Variants in CNOT1 observed in about 807,000 individuals in gnomAD.
CNOT1 encodes CCR4-NOT transcription complex subunit 1.
A neutral mutation model predicts 273.8 loss-of-function variants in CNOT1; 15 were observed. The observed-to-expected ratio is 0.05, with a 90% CI of 0.04 to 0.08. The LOEUF (loss-of-function observed/expected upper bound fraction) is 0.08. Among genes scored for constraint, CNOT1 ranks in the 10% least tolerant of loss-of-function variants. CNOT1 has a pLI of 1.00. For synonymous variants in CNOT1, 1,022 were observed against 1,005.5 expected (o/e 1.02, Z -0.31); for missense variants, 1,644 against 2,912.2 (o/e 0.56, Z 10.02).
chr16:58,532,327 A>G lies in CNOT1; in HGVS notation c.5964T>C (p.Leu1988=). 2.5e-6 allele frequency: 4 copies of G among 1,614,204 alleles called. No individual in the cohort carries two copies. The highest frequency in any genetic ancestry group is 3.4e-6 in the Non-Finnish European group (4 of 1,180,016). ...GCATGATAAAAATTCGATGGTAGGG[A>G]AGTTGCTGAAATTCACTCTGACGAA... The part of the protein sequence containing the change: ...HDVRQSEFQQ[L]PYHRIFIMLL... Residue 1988 remains leucine (L), a synonymous_variant, in exon 41 of 49, where the codon CTT becomes CTC. Coordinates refer to ENST00000317147, the MANE Select transcript of CNOT1 (RefSeq NM_016284.5).
rs1365069174 is a variant in CNOT1 at position 58,534,071 on chromosome 16, AAAT to A, written c.5895+73_5895+75del. The A allele has an allele frequency of 5.6e-6, 7 of 1,255,048 alleles. No individual in the cohort carries two copies. In the South Asian group the frequency reaches 1.0e-4, roughly 19 times the overall value. The allele number at this position is 1,255,048 out of a possible 1,614,324, so 77.7% of individuals were successfully genotyped here. A position where few individuals can be genotyped will look rare whatever the true frequency, so the allele number is the denominator to read the frequency against. On this transcript the variant is annotated intron_variant, in intron 40 of 48. Transcript: ENST00000317147. ...GACTCTCTCAAAGAAACAATATAAA[AAAT>A]AATAATAATAAATAAATAAATAAAA... is the stretch of plus-strand genomic sequence containing the variant.
At chr16:58,521,519 A>AGAC (rs2039370008) in intron 47 of CNOT1, among the ~76,000 whole-genome samples, 1 of 152,230 alleles carries the variant, frequency 6.6e-6, no homozygotes, top group Admixed American at 6.5e-5. Flanking sequence ...TAGCCGTAGA[A>AGAC]GACTAAGTAT....
chr16:58,596,692 C>T lies in CNOT1; in HGVS notation c.102+2544G>A, dbSNP rs531016994. Among the ~76,000 whole-genome samples, 6 of 151,852 alleles carry T rather than the reference C, an allele frequency of 4.0e-5. No individual in the cohort carries two copies. The East Asian group carries it at 9.8e-4, about 25-fold the overall frequency. ...CACAAGGTCAGGAGATTGAGACCAT[C>T]CTGGCTAACACGATGAAACCCCGTC... is the stretch of plus-strand genomic sequence containing the variant. On this transcript the variant is annotated intron_variant, in intron 2 of 48. Transcript: ENST00000317147.
At chr16:58,605,885 G>A (rs56019955) in intron 1 of CNOT1, among the ~76,000 whole-genome samples, 1,957 of 152,160 alleles carry the variant, frequency 0.013, 45 homozygotes, top group African/African-American at 0.045. Context: ...TCAAACTCTG[G>A]GGCTCAGCGA....
chr16:58,591,597 T>C (rs752684536), intron 2 of CNOT1, among the ~76,000 whole-genome samples: 11 of 151,960 alleles, frequency 7.2e-5, no homozygotes, highest in Non-Finnish European at 1.3e-4. Context: ...CTACTAAAAA[T>C]ACAAAAATTA....
chr16:58,609,856 T>C (rs2042829253), intron 1 of CNOT1, among the ~76,000 whole-genome samples: 3 of 150,030 alleles, frequency 2.0e-5, no homozygotes, highest in South Asian at 4.2e-4. Flanking sequence ...TATATATATA[T>C]CATATTATAT....
intron 16 of CNOT1, among the ~76,000 whole-genome samples, chr16:58,562,997 C>A (rs2040914597): frequency 6.6e-6 from 1 of 152,050 alleles, no homozygotes; most frequent in Admixed American, 6.6e-5. Flanking sequence ...ACTGAATAAG[C>A]CTATATTACA....
chr16:58,555,164 C>T lies in CNOT1; in HGVS notation c.2891+87G>A, dbSNP rs1407466822. 1.4e-5 allele frequency: 22 copies of T among 1,531,790 alleles called. No homozygotes were observed. In the Admixed American group the frequency reaches 1.8e-4, roughly 13 times the overall value. 94.9% of individuals were successfully genotyped at this position (1,531,790 alleles called of 1,614,324 possible). A position where few individuals can be genotyped will look rare whatever the true frequency, so the allele number is the denominator to read the frequency against. ...TCAAGGCTGCAGTGAGCCGAGATTG[C>T]GCCACTGCACTCCAGCCTGGATGAG... On this transcript the variant is annotated intron_variant, in intron 21 of 48. Coordinates refer to ENST00000317147, the MANE Select transcript of CNOT1 (RefSeq NM_016284.5).
chr16:58,597,559 TA>T, intron 2 of CNOT1: 1 of 286,426 alleles, frequency 3.5e-6, no homozygotes, highest in Non-Finnish European at 6.8e-6. Flanking sequence ...AGAATGAATG[TA>T]AAAGTGTAAA....
rs554526651 is a variant in CNOT1, at chr16:58,547,714, G to A, written c.3523-32C>T. ...TAGTGTAAGATTAAGAAAGATATGA[G>A]AATAAGCTTATGAAAGAAAACTCAA... On this transcript the variant is annotated intron_variant, in intron 25 of 48. Transcript: ENST00000317147. The surrounding 1 kb of genome is among the most constrained non-coding windows in gnomAD (Gnocchi z 4.0). 1.5e-4 allele frequency: 243 copies of A among 1,585,610 alleles called. No individual in the cohort carries two copies. Among genetic ancestry groups the A allele is most frequent in the Non-Finnish European group, 1.9e-4 (223 of 1,163,990 alleles).
intron 8 of CNOT1, 99 bp from the exon 9 acceptor site, chr16:58,583,281 T>C (rs1245543922): frequency 1.3e-6 from 2 of 1,538,700 alleles, no homozygotes; most frequent in Non-Finnish European, 1.7e-6. Context: ...GCCTTAGTTT[T>C]ACTAAATAAA....
chr16:58,545,210 C>T, intron 30 of CNOT1, 151 bp downstream of exon 30: 1 of 1,285,884 alleles, frequency 7.8e-7, no homozygotes, highest in East Asian at 2.5e-5. Flanking sequence ...CCCAACTGAA[C>T]TACACAGCAG....
intron 34 of CNOT1, 116 bp downstream of exon 34, chr16:58,541,385 G>A (rs1283255326): frequency 4.1e-6 from 6 of 1,450,414 alleles, no homozygotes; most frequent in Non-Finnish European, 5.5e-6. Flanking sequence ...AAAAACTATA[G>A]GTGTTTTTTC....
At chr16:58,531,571 G>A (rs1165958186) in intron 42 of CNOT1, among the ~76,000 whole-genome samples, 1 of 151,966 alleles carries the variant, frequency 6.6e-6, no homozygotes, top group Non-Finnish European at 1.5e-5. Context: ...ATATTTATGA[G>A]GGCACACATG....
rs765530984 is a variant in CNOT1 at position 58,558,672 on chromosome 16, A to G, written c.2133T>C (p.Ile711=). 8 of 1,613,128 alleles carry G rather than the reference A, an allele frequency of 5.0e-6. No homozygotes were observed. Among genetic ancestry groups the G allele is most frequent in the Middle Eastern group, 3.3e-4 (2 of 6,082 alleles). ...SSLDAISPVQ[I]DPLAGMTSLS... is the part of the protein sequence containing the mutation. ...GAGATGTCATTCCAGCAAGAGGGTC[A>G]ATCTAAAGAAAAACATTATAAAAAT... Residue 711 remains isoleucine, a splice_region_variant and synonymous_variant, in exon 18 of 49, where the codon ATT becomes ATC. Coordinates refer to ENST00000317147, the MANE Select transcript of CNOT1 (RefSeq NM_016284.5).
At chr16:58,606,229 A>C (rs1284377807) in intron 1 of CNOT1, among the ~76,000 whole-genome samples, 1 of 152,058 alleles carries the variant, frequency 6.6e-6, no homozygotes, top group Non-Finnish European at 1.5e-5. Flanking sequence ...ATAGTGAGAC[A>C]GTGTCTCTGT....
At chr16:58,629,171 C>CT (rs1428092708) in intron 1 of CNOT1, among the ~76,000 whole-genome samples, 2 of 152,166 alleles carry the variant, frequency 1.3e-5, no homozygotes, top group African/African-American at 4.8e-5. Flanking sequence ...ACCTGGGGGG[C>CT]TTTGACAACG....
intron 34 of CNOT1, among the ~76,000 whole-genome samples, chr16:58,541,281 C>A (rs774665913): frequency 6.6e-6 from 1 of 152,018 alleles, no homozygotes; most frequent in African/African-American, 2.4e-5. Flanking sequence ...CTAATTAGGC[C>A]GAACATTAAA....
intron 2 of CNOT1, among the ~76,000 whole-genome samples, chr16:58,593,560 T>C (rs1038941404): frequency 4.0e-5 from 4 of 101,190 alleles, no homozygotes; most frequent in African/African-American, 1.8e-4. Flanking sequence ...CGAAACTCCG[T>C]CTCAAGGGAA....
Sources: gnomAD v4.1 joint callset for allele counts (sites outside exome capture counted in the v4.1 genomes callset) on GRCh38, gnomAD v4.1.1 for gene constraint, Gnocchi (gnomAD v3.1) non-coding constraint, MANE v1.5 for transcripts, NCBI Gene and HGNC (gene_info 2026-07-23, HGNC 2026-07-21) for gene names.